Variants in CDK14 observed in about 807,000 individuals in gnomAD.
CDK14 encodes the protein cyclin-dependent kinase 14.
In CDK14, 34 loss-of-function variants were observed where a neutral mutation model predicts 60.7. That is an observed-to-expected ratio of 0.56 (90% CI 0.43 to 0.75). The LOEUF (loss-of-function observed/expected upper bound fraction) is 0.75, where lower values mean the gene tolerates loss of function less well. Among genes scored for constraint, CDK14 ranks in the 30% least tolerant of loss-of-function variants. The pLI is 0.00. For synonymous variants in CDK14, 197 were observed against 203.7 expected, an observed-to-expected ratio of 0.97 and a Z score of 0.28; for missense variants, 482 against 564.1, an observed-to-expected ratio of 0.85 and a Z score of 1.47.
At chr7:91,121,716 G>T (rs1168036387) in intron 14 of CDK14, among the ~76,000 whole-genome samples, 2 of 152,126 alleles carry the variant, frequency 1.3e-5, no homozygotes, top group Non-Finnish European at 2.9e-5. Context: ...TCAAAATACT[G>T]TGCTTCTTAC....
Position 91,179,503 on chromosome 7 carries a change from A to G in CDK14, c.*29-27662A>G, listed in dbSNP as rs575101521. On this transcript the variant is annotated intron_variant, in intron 14 of 14. Transcript: ENST00000380050. Reference sequence around the variant, plus strand: ...CATGTACCCTAAAACTTAAAGTATAATTAAAAAAAAAAAATGCAGCCCGGC... The same window carrying G: ...CATGTACCCTAAAACTTAAAGTATAGTTAAAAAAAAAAAATGCAGCCCGGC... Among the ~76,000 whole-genome samples the G allele has an allele frequency of 1.7e-4, 9 of 53,046 alleles. 1 individual carries two copies. In the South Asian group the frequency reaches 5.1e-3, roughly 30 times the overall value. 34.8% of individuals were successfully genotyped at this position (53,046 alleles called of 152,430 possible).
intron 3 of CDK14, among the ~76,000 whole-genome samples, chr7:90,733,214 T>A (rs1447460179): frequency 2.0e-5 from 3 of 152,048 alleles, no homozygotes; most frequent in Non-Finnish European, 4.4e-5. Context: ...ACTATTATGA[T>A]TTCCATTCTT....
intron 9 of CDK14, among the ~76,000 whole-genome samples, chr7:90,958,874 G>A (rs949249947): frequency 2.6e-5 from 4 of 152,082 alleles, no homozygotes; most frequent in East Asian, 1.9e-4. Flanking sequence ...TGGTAGTTCA[G>A]TTAAGATTCT....
At chr7:90,735,591 C>T (rs941552768) in intron 3 of CDK14, among the ~76,000 whole-genome samples, 12 of 152,358 alleles carry the variant, frequency 7.9e-5, no homozygotes, top group Non-Finnish European at 1.8e-4. Flanking sequence ...GGGCTCTGCC[C>T]ATTTCAACCT....
chr7:90,945,888 G>T (rs535225817), intron 8 of CDK14, among the ~76,000 whole-genome samples: 15 of 152,202 alleles, frequency 9.9e-5, no homozygotes, highest in Non-Finnish European at 2.2e-4. Context: ...TGACCCCAAA[G>T]AGGAAGCTCT....
intron 4 of CDK14, among the ~76,000 whole-genome samples, chr7:90,769,470 CTTTCT>C (rs1255256079): frequency 2.8e-5 from 4 of 144,178 alleles, no homozygotes; most frequent in Non-Finnish European, 6.0e-5. Context: ...TTTCTCTTTT[CTTTCT>C]TTTTTTTTTT....
chr7:90,919,266 A>G (rs1793171789), intron 8 of CDK14, among the ~76,000 whole-genome samples: 2 of 152,208 alleles, frequency 1.3e-5, no homozygotes, highest in African/African-American at 2.4e-5. Context: ...CATTTGTCGT[A>G]TATTTATAAA....
At chr7:91,037,768 G>A (rs1213193603) in intron 10 of CDK14, among the ~76,000 whole-genome samples, 5 of 151,958 alleles carry the variant, frequency 3.3e-5, no homozygotes, top group Admixed American at 2.0e-4. Flanking sequence ...ATCGACATAT[G>A]CTGGAAGAGC....
rs1796684691 is a variant in CDK14 at position 91,029,150 on chromosome 7, A to G, written c.1042-16747A>G. Reference sequence around the variant, plus strand: ...AATTGACTTTTGTATATGGTGATAGATAGGGGTCCAGTTTTGTTCCTCTGA... The same window carrying G: ...AATTGACTTTTGTATATGGTGATAGGTAGGGGTCCAGTTTTGTTCCTCTGA... On this transcript the variant is annotated intron_variant, in intron 10 of 14. Coordinates refer to ENST00000380050, the MANE Select transcript of CDK14 (RefSeq NM_001287135.2). Among the ~76,000 whole-genome samples the G allele has an allele frequency of 2.6e-5, 4 of 152,068 alleles. No homozygotes were observed. The South Asian group carries it at 8.3e-4, about 32-fold the overall frequency.
At chr7:90,888,881 T>G (rs935698578) in intron 6 of CDK14, among the ~76,000 whole-genome samples, 10 of 152,212 alleles carry the variant, frequency 6.6e-5, no homozygotes, top group Non-Finnish European at 1.5e-4. Flanking sequence ...ACTGTTTGAC[T>G]CCATGAACAT....
chr7:90,810,423 C>G (rs916092769), intron 5 of CDK14, among the ~76,000 whole-genome samples: 2 of 152,164 alleles, frequency 1.3e-5, no homozygotes, highest in Non-Finnish European at 1.5e-5. Context: ...ATTCAACAAC[C>G]CTTCATGCTA....
chr7:90,811,873 T>C (rs1004039431), intron 5 of CDK14, among the ~76,000 whole-genome samples: 4 of 152,150 alleles, frequency 2.6e-5, no homozygotes, highest in Non-Finnish European at 5.9e-5. Context: ...AAAATGCTCA[T>C]CATCACTGGC....
chr7:90,971,147 C>T (rs1390102606), intron 9 of CDK14, among the ~76,000 whole-genome samples: 1 of 130,770 alleles, frequency 7.6e-6, no homozygotes, highest in East Asian at 2.9e-4. Context: ...TGAGTGAGAA[C>T]ATGTGGTTTT....
At chr7:90,643,121 A>G (rs1443423626) in intron 2 of CDK14, among the ~76,000 whole-genome samples, 1 of 152,210 alleles carries the variant, frequency 6.6e-6, no homozygotes, top group Non-Finnish European at 1.5e-5. Flanking sequence ...ATATGTATGT[A>G]CAGCTCAAAA....
intron 6 of CDK14, among the ~76,000 whole-genome samples, chr7:90,880,657 C>T (rs1791717750): frequency 6.6e-6 from 1 of 152,118 alleles, no homozygotes; most frequent in Non-Finnish European, 1.5e-5. Context: ...TAGTCAGACA[C>T]CCTATACAGG....
intron 5 of CDK14, among the ~76,000 whole-genome samples, chr7:90,810,409 C>A (rs1189133473): frequency 6.6e-6 from 1 of 152,150 alleles, no homozygotes; most frequent in Non-Finnish European, 1.5e-5. Context: ...AGACCTTTGA[C>A]AAAATTCAAC....
chr7:90,888,897 A>G (rs774609164), intron 6 of CDK14, among the ~76,000 whole-genome samples: 1 of 152,240 alleles, frequency 6.6e-6, no homozygotes, highest in Non-Finnish European at 1.5e-5. Flanking sequence ...AACATTTGTT[A>G]TATGATTTAG....
intron 14 of CDK14, among the ~76,000 whole-genome samples, chr7:91,141,467 A>G (rs1800455481): frequency 6.6e-6 from 1 of 152,166 alleles, no homozygotes; most frequent in East Asian, 1.9e-4. Flanking sequence ...AGAAAGAGAG[A>G]TAGAAATTAA....
chr7:90,788,505 C>A (rs148590774), intron 4 of CDK14, among the ~76,000 whole-genome samples: 4 of 152,128 alleles, frequency 2.6e-5, no homozygotes, highest in Non-Finnish European at 5.9e-5. Flanking sequence ...CAGGCCTGTC[C>A]TGTCTGCTAA....
Sources: allele counts gnomAD v4.1 joint callset (sites outside exome capture counted in the v4.1 genomes callset), GRCh38; gene constraint gnomAD v4.1.1; transcripts MANE v1.5; gene names NCBI Gene and HGNC (gene_info 2026-07-23, HGNC 2026-07-21).